The following USP10 variants were observed in gnomAD, a reference collection of about 807,000 sequenced individuals.
The protein encoded by USP10 is ubiquitin specific peptidase 10.
USP10 carries 22 observed loss-of-function variants against 84.5 expected under a neutral mutation model. The ratio of observed to expected loss-of-function variants is 0.26; its 90% confidence interval spans 0.19 to 0.37. The LOEUF is 0.37. Ranked by LOEUF, USP10 falls within the 10% of genes least tolerant of loss-of-function variation. USP10 has a pLI of 1.00. For synonymous variants in USP10, 454 were observed against 387.6 expected (o/e 1.17, Z -2.01); for missense variants, 1,019 against 998.9 (o/e 1.02, Z -0.27).
intron 2 of USP10, among the ~76,000 whole-genome samples, chr16:84,738,775 G>T (rs190253208): frequency 6.6e-6 from 1 of 152,328 alleles, no homozygotes; most frequent in Admixed American, 6.5e-5. Context: ...TGCGTTACTA[G>T]CAGAGAGAAG....
At chr16:84,748,752 A>G (rs988418102) in intron 4 of USP10, among the ~76,000 whole-genome samples, 2 of 152,216 alleles carry the variant, frequency 1.3e-5, no homozygotes, top group Admixed American at 1.3e-4. Flanking sequence ...GACTTTAAAT[A>G]TAGTTTGATA....
chr16:84,763,127 T>C, intron 9 of USP10, 39 bp downstream of exon 9: 1 of 1,424,246 alleles, frequency 7.0e-7, no homozygotes, highest in Non-Finnish European at 9.9e-7. Flanking sequence ...TGTGCAAGAG[T>C]TCGCTGTAAA....
chr16:84,737,684 C>A (rs80086851), intron 2 of USP10, among the ~76,000 whole-genome samples: 3 of 152,340 alleles, frequency 2.0e-5, no homozygotes, highest in Middle Eastern at 3.4e-3. Flanking sequence ...GTGCCTCTTA[C>A]TGGCAGTGTC....
chr16:84,760,334 G>A (rs1913065642), intron 8 of USP10, 59 bp downstream of exon 8: 1 of 1,445,240 alleles, frequency 6.9e-7, no homozygotes, highest in East Asian at 2.4e-5. Flanking sequence ...CAGTGTTTGT[G>A]TGGTAACTGT....
intron 1 of USP10, among the ~76,000 whole-genome samples, chr16:84,705,715 CTTTT>C (rs1034372044): frequency 1.4e-5 from 1 of 71,296 alleles, no homozygotes; most frequent in Non-Finnish European, 2.4e-5. Context: ...CCCTTGCTTG[CTTTT>C]TTTTTTTTTT....
intron 4 of USP10, among the ~76,000 whole-genome samples, chr16:84,752,774 A>G (rs1912085088): frequency 6.6e-6 from 1 of 152,162 alleles, no homozygotes; most frequent in East Asian, 1.9e-4. Flanking sequence ...ATAAAGCGTT[A>G]GTGTCTCCTC....
chr16:84,752,750 A>T (rs192880257), intron 4 of USP10, among the ~76,000 whole-genome samples: 3 of 152,158 alleles, frequency 2.0e-5, no homozygotes, highest in East Asian at 1.9e-4. Flanking sequence ...GAAGAAGAGG[A>T]GCTCACGAAC....
chr16:84,704,753 A>G, intron 1 of USP10: 1 of 1,533,632 alleles, frequency 6.5e-7, no homozygotes, highest in South Asian at 1.2e-5. Context: ...CTGGGCCATG[A>G]TCCCATTTTC....
chr16:84,740,760 G>T (rs140413181), intron 3 of USP10, among the ~76,000 whole-genome samples: 79 of 152,352 alleles, frequency 5.2e-4, no homozygotes, highest in African/African-American at 1.8e-3. Context: ...TGTAAACTAA[G>T]GGGCAGCTGG....
chr16:84,772,209 G>C (rs556929417), intron 11 of USP10, among the ~76,000 whole-genome samples: 13 of 151,966 alleles, frequency 8.6e-5, no homozygotes. Context: ...CCACCACCAC[G>C]CCTGGCTAAT....
At chr16:84,738,589 C>G (rs2150811135) in intron 2 of USP10, among the ~76,000 whole-genome samples, 1 of 152,290 alleles carries the variant, frequency 6.6e-6, no homozygotes, top group South Asian at 2.1e-4. Flanking sequence ...GGTGCCAAGG[C>G]TAGTGTAGCC....
intron 5 of USP10, 141 bp downstream of exon 5, chr16:84,758,948 A>C: frequency 1.5e-6 from 1 of 668,814 alleles, no homozygotes; most frequent in Non-Finnish European, 2.7e-6. Context: ...TGGTCTGCCT[A>C]CCTTGCTTAT....
At chr16:84,700,294 C>T (rs1289034008) in intron 1 of USP10, among the ~76,000 whole-genome samples, 183 bp downstream of exon 1, 1 of 151,918 alleles carries the variant, frequency 6.6e-6, no homozygotes. Flanking sequence ...GCGCCTTCGT[C>T]CCCTGAGCCA....
chr16:84,764,348 T>C, intron 10 of USP10, 85 bp downstream of exon 10: 1 of 1,551,830 alleles, frequency 6.4e-7, no homozygotes, highest in Non-Finnish European at 8.8e-7. Flanking sequence ...GAGGCTTGTT[T>C]TGAGACTTCT....
intron 2 of USP10, among the ~76,000 whole-genome samples, chr16:84,735,511 ATTTCTTTTCTC>A (rs763183802): frequency 1.3e-5 from 2 of 152,042 alleles, no homozygotes; most frequent in Non-Finnish European, 1.5e-5. Context: ...TGGGCCTCCC[ATTTCTTTTCTC>A]TTTCTTTTGT....
At chr16:84,754,111 A>G (rs893378029) in intron 4 of USP10, among the ~76,000 whole-genome samples, 6 of 152,156 alleles carry the variant, frequency 3.9e-5, no homozygotes, top group Non-Finnish European at 7.4e-5. Flanking sequence ...TCCTGTCCAG[A>G]GAAGGAGGCA....
chr16:84,726,813 T>A (rs988198620), intron 1 of USP10, among the ~76,000 whole-genome samples: 1 of 152,128 alleles, frequency 6.6e-6, no homozygotes, highest in African/African-American at 2.4e-5. Context: ...TGTACTTTGC[T>A]CCCCCGAATC....
intron 1 of USP10, among the ~76,000 whole-genome samples, chr16:84,717,824 C>T (rs1350351832): frequency 6.6e-6 from 1 of 152,204 alleles, no homozygotes; most frequent in Non-Finnish European, 1.5e-5. Context: ...TATGTGATTT[C>T]AGTACGGATT....
At chr16:84,728,259 T>G (rs1908765840) in intron 1 of USP10, among the ~76,000 whole-genome samples, 1 of 152,248 alleles carries the variant, frequency 6.6e-6, no homozygotes, top group African/African-American at 2.4e-5. Flanking sequence ...AGATATCATT[T>G]TAGTTAAATA....
Sources: allele counts gnomAD v4.1 joint callset (sites outside exome capture counted in the v4.1 genomes callset), GRCh38; gene constraint gnomAD v4.1.1; transcripts MANE v1.5; gene names NCBI Gene and HGNC (gene_info 2026-07-23, HGNC 2026-07-21).